Variants in WDR19 observed in about 807,000 individuals in gnomAD.
WDR19 encodes WD repeat-containing protein 19.
Under a neutral mutation model 180.0 loss-of-function variants are expected in WDR19, and 121 were observed. The ratio of observed to expected loss-of-function variants is 0.67; its 90% confidence interval spans 0.58 to 0.78. The LOEUF (loss-of-function observed/expected upper bound fraction) is 0.78, where lower values mean the gene tolerates loss of function less well. Among genes scored for constraint, WDR19 ranks in the 30% least tolerant of loss-of-function variants. WDR19 has a pLI of 0.00. For synonymous variants in WDR19, 497 were observed against 540.7 expected (o/e 0.92, Z 1.12); for missense variants, 1,450 against 1,640.7 (o/e 0.88, Z 2.01).
chr4:39,272,061 C>G (rs571063967), intron 31 of WDR19, among the ~76,000 whole-genome samples: 1 of 152,316 alleles, frequency 6.6e-6, no homozygotes, highest in Non-Finnish European at 1.5e-5. Flanking sequence ...CAGGAGTACA[C>G]TTCCCTTCAG....
intron 24 of WDR19, among the ~76,000 whole-genome samples, chr4:39,247,968 G>A (rs1732714532): frequency 6.6e-6 from 1 of 152,142 alleles, no homozygotes; most frequent in Admixed American, 6.5e-5. Context: ...AATCTAGCAA[G>A]GCAGGCCAAC....
chr4:39,272,932 G>A, intron 31 of WDR19, 48 bp from the exon 32 acceptor site: 10 of 1,446,380 alleles, frequency 6.9e-6, no homozygotes, highest in South Asian at 1.3e-5. Context: ...GCATGAATTG[G>A]GGCTAATCAA....
At position 39,253,275 on chromosome 4, in the gene WDR19, A is replaced by G; in HGVS notation, c.2859A>G (p.Gly953=). 1 of 1,612,078 alleles carries G rather than the reference A, an allele frequency of 6.2e-7. No homozygotes were observed. Among genetic ancestry groups the G allele is most frequent in the Non-Finnish European group, 8.5e-7 (1 of 1,179,456 alleles). Residue 953 remains glycine (G), a synonymous_variant, in exon 25 of 37, where the codon GGA becomes GGG. Transcript: ENST00000399820. ...TTAGAGAGACCCAGTCTCTGGATGGAGCCAAAATGGTAGCCAGGTAACATA... is the reference window on the plus strand; with the variant it reads ...TTAGAGAGACCCAGTCTCTGGATGGGGCCAAAATGGTAGCCAGGTAACATA... ...NIVRETQSLD[G]AKMVARFFLQ...
intron 9 of WDR19, among the ~76,000 whole-genome samples, chr4:39,211,983 G>GAGATAGAT (rs1241014613): frequency 6.9e-6 from 1 of 144,496 alleles, no homozygotes; most frequent in African/African-American, 2.6e-5. Flanking sequence ...GAGAGAGAGA[G>GAGATAGAT]AGATAGATAG....
chr4:39,271,737 G>T (rs558977342), intron 31 of WDR19, among the ~76,000 whole-genome samples: 1 of 152,100 alleles, frequency 6.6e-6, no homozygotes, highest in African/African-American at 2.4e-5. Flanking sequence ...TTGGTTCTCT[G>T]ACCTGTCCAC....
chr4:39,280,130 T>G (rs918650240), intron 36 of WDR19, among the ~76,000 whole-genome samples: 8 of 113,670 alleles, frequency 7.0e-5, no homozygotes, highest in African/African-American at 1.6e-4. Flanking sequence ...TTTTTTTTTT[T>G]TTTTTTTTTT....
At chr4:39,280,133 T>TG (rs1736347958) in intron 36 of WDR19, among the ~76,000 whole-genome samples, 1 of 117,472 alleles carries the variant, frequency 8.5e-6, no homozygotes, top group Non-Finnish European at 2.0e-5. Context: ...TTTTTTTTTT[T>TG]TTTTTTTTAA....
Position 39,193,025 on chromosome 4 carries a change from G to C in WDR19, c.291-1519G>C, listed in dbSNP as rs572239396. ...GGAAATCTGAGAGGCACATTATTGCGGCTACAGCATTTATTTTAAAAAAGG... is the reference window on the plus strand; with the variant it reads ...GGAAATCTGAGAGGCACATTATTGCCGCTACAGCATTTATTTTAAAAAAGG... On this transcript the variant is annotated intron_variant, in intron 4 of 36. Transcript: ENST00000399820. 9.2e-5 allele frequency among the ~76,000 whole-genome samples: 14 copies of C among 152,162 alleles called. No individual in the cohort carries two copies. In the East Asian group the frequency reaches 1.9e-3, roughly 21 times the overall value.
chr4:39,266,040 G>T (rs1734756860), intron 28 of WDR19, 23 bp from the exon 29 acceptor site: 2 of 1,549,450 alleles, frequency 1.3e-6, no homozygotes, highest in East Asian at 4.9e-5. Flanking sequence ...GAATTTGCTG[G>T]GTTTTTCTCT....
chr4:39,188,618 CAAAAAAAAAAAAA>C (rs60149380), intron 3 of WDR19, among the ~76,000 whole-genome samples: 1 of 81,188 alleles, frequency 1.2e-5, no homozygotes, highest in African/African-American at 4.4e-5. Flanking sequence ...GACCTTGTCT[CAAAAAAAAAAAAA>C]AAAAGAAAAG....
chr4:39,228,292 G>T lies in WDR19; in HGVS notation c.1712G>T (p.Gly571Val), dbSNP rs1356548421. The T allele has an allele frequency of 6.2e-7, 1 of 1,613,466 alleles. No individual in the cohort carries two copies. Among genetic ancestry groups the T allele is most frequent in the Non-Finnish European group, 8.5e-7 (1 of 1,179,626 alleles). The change falls in exon 16 of 37, where the codon GGT becomes GTT. Residue 571 changes from glycine to valine, a missense_variant. Coordinates refer to ENST00000399820, the MANE Select transcript of WDR19 (RefSeq NM_025132.4). ...TGGGAAAACTGGCCAATGGATAAAG[G>T]TGTATTTATTGCTTATGATGATGAT... is the stretch of plus-strand genomic sequence containing the variant. ...VLWENWPMDK[G>V]VFIAYDDDKV...
At chr4:39,266,253 C>T in intron 29 of WDR19, 113 bp downstream of exon 29, 1 of 892,780 alleles carries the variant, frequency 1.1e-6, no homozygotes. Flanking sequence ...TTCTCTCTGC[C>T]AGTAGTGTAG....
intron 6 of WDR19, 63 bp downstream of exon 6, chr4:39,199,656 T>G: frequency 7.7e-7 from 1 of 1,298,104 alleles, no homozygotes; most frequent in Non-Finnish European, 1.1e-6. Flanking sequence ...AAATAGTTTG[T>G]CTGTCAAACT....
At chr4:39,184,388 G>A (rs760510300) in intron 1 of WDR19, among the ~76,000 whole-genome samples, 21 of 151,534 alleles carry the variant, frequency 1.4e-4, no homozygotes, top group Non-Finnish European at 1.2e-4. Flanking sequence ...CCAGAGCCTG[G>A]GCGACAGAGC....
chr4:39,275,085 A>C, intron 33 of WDR19, 127 bp downstream of exon 33: 1 of 1,180,672 alleles, frequency 8.5e-7, no homozygotes, highest in South Asian at 1.3e-5. Context: ...CACACCTATA[A>C]TCCCAACACT....
chr4:39,218,056 G>GTT lies in WDR19; in HGVS notation c.1431_1432insTT (p.Ile478LeufsTer7). The GTT allele has an allele frequency of 6.2e-7, 1 of 1,613,918 alleles. No homozygotes were observed. The highest frequency in any genetic ancestry group is 8.5e-7 in the Non-Finnish European group (1 of 1,179,842). ...TTCCCAGCAGTGGATGATAAGTGCC[G>GTT]TATCTTATGCCATGCCTTAACTAGT... On this transcript the variant is annotated frameshift_variant, in exon 14 of 37. Coordinates refer to ENST00000399820, the MANE Select transcript of WDR19 (RefSeq NM_025132.4). LOFTEE classifies it high-confidence loss of function.
chr4:39,207,774 A>G (rs1166541854), intron 9 of WDR19, among the ~76,000 whole-genome samples: 1 of 152,218 alleles, frequency 6.6e-6, no homozygotes, highest in East Asian at 1.9e-4. Flanking sequence ...AACTGAGAAC[A>G]GAAGGAAATT....
intron 4 of WDR19, 82 bp downstream of exon 4, chr4:39,189,863 T>C (rs1725972832): frequency 2.8e-6 from 4 of 1,420,324 alleles, no homozygotes; most frequent in Non-Finnish European, 3.8e-6. Context: ...TCTTTACTAC[T>C]TTCATTTTAA....
At chr4:39,240,552 G>A (rs1320005062) in intron 21 of WDR19, among the ~76,000 whole-genome samples, 3 of 152,094 alleles carry the variant, frequency 2.0e-5, no homozygotes, top group Admixed American at 6.5e-5. Flanking sequence ...AGTCTGATAA[G>A]TTTTACATCC....
Sources: allele counts gnomAD v4.1 joint callset (sites outside exome capture counted in the v4.1 genomes callset), GRCh38; gene constraint gnomAD v4.1.1; transcripts MANE v1.5; gene names NCBI Gene and HGNC (gene_info 2026-07-23, HGNC 2026-07-21).